MCMDC2: variants seen among roughly 807,000 people sequenced by gnomAD.
The protein encoded by MCMDC2 is minichromosome maintenance domain-containing protein 2.
A neutral mutation model predicts 75.8 loss-of-function variants in MCMDC2; 54 were observed. The ratio of observed to expected loss-of-function variants is 0.71; its 90% CI spans 0.57 to 0.89. The LOEUF is 0.89. Among genes scored for constraint, MCMDC2 ranks in the 40% least tolerant of loss-of-function variants. The pLI is 0.00. For missense variants in MCMDC2, 656 were observed against 780.4 expected, an observed-to-expected ratio of 0.84 and a Z score of 1.90; for synonymous variants, 249 against 274.6, an observed-to-expected ratio of 0.91 and a Z score of 0.92.
rs1323032200 is a variant in MCMDC2 at position 66,919,068 on chromosome 8, T to G, written c.1945T>G (p.Leu649Val). The G allele has an allele frequency of 6.4e-7, 1 of 1,550,708 alleles. No individual in the cohort carries two copies. Among genetic ancestry groups the G allele is most frequent in the South Asian group, 1.2e-5 (1 of 83,902 alleles). The change falls in exon 15 of 15, where the codon TTA (leucine) becomes GTA (valine). Residue 649 changes from leucine (L) to valine (V), a missense_variant. Physicochemically the swap from Leu to Val is conservative, Grantham distance 32. Transcript: ENST00000422365. ...ATTTGAACTGTATAATGAAGAATAC[T>G]TAGAGCAAAGGGATCTCTATCTGAC... ...FPFELYNEEY[L>V]EQRDLYLTQC...
intron 14 of MCMDC2, among the ~76,000 whole-genome samples, chr8:66,913,287 A>C (rs764347308): frequency 6.6e-6 from 1 of 152,212 alleles, no homozygotes; most frequent in Non-Finnish European, 1.5e-5. Flanking sequence ...GGGTAAATAT[A>C]ACTTTTATGT....
At chr8:66,886,921 T>C (rs534656819) in intron 9 of MCMDC2, among the ~76,000 whole-genome samples, 8 of 152,192 alleles carry the variant, frequency 5.3e-5, no homozygotes, top group Non-Finnish European at 1.2e-4. Context: ...TTAGCCATAC[T>C]AGTGGGAATG....
At chr8:66,897,053 G>A in intron 12 of MCMDC2, 94 bp downstream of exon 12, 1 of 1,186,010 alleles carries the variant, frequency 8.4e-7, no homozygotes, top group Non-Finnish European at 1.2e-6. Context: ...TCTTTATTTA[G>A]GATTCTTTTA....
chr8:66,881,091 T>A, intron 8 of MCMDC2, 117 bp downstream of exon 8: 1 of 798,440 alleles, frequency 1.3e-6, no homozygotes, highest in African/African-American at 1.8e-5. Context: ...AAGAATACAG[T>A]TGTAAACAGG....
rs1468629894 is a variant in MCMDC2, at chr8:66,919,150, T to G, written c.2027T>G (p.Ile676Ser). The G allele has an allele frequency of 1.3e-6, 2 of 1,545,000 alleles. No individual in the cohort carries two copies. Among genetic ancestry groups the G allele is most frequent in the Non-Finnish European group, 8.7e-7 (1 of 1,145,102 alleles). ...FIATYGPGTTIFSSDE is the reference protein window; with the variant it reads ...FIATYGPGTTSFSSDE ...GCCACATATGGACCTGGGACAACTA[T>G]TTTCTCTAGTGATGAATAAGCAATT... The change falls in exon 15 of 15, where the codon ATT (isoleucine) becomes AGT (serine). Residue 676 changes from isoleucine to serine, a missense_variant. Ile to Ser is a moderately radical substitution (Grantham distance 142). Coordinates refer to ENST00000422365, the MANE Select transcript of MCMDC2 (RefSeq NM_173518.5).
intron 9 of MCMDC2, among the ~76,000 whole-genome samples, chr8:66,890,533 GT>G (rs1812056592): frequency 6.6e-6 from 1 of 151,850 alleles, no homozygotes; most frequent in Non-Finnish European, 1.5e-5. Flanking sequence ...ACATTTTTTT[GT>G]TTTGTTTTTT....
At chr8:66,895,223 T>C (rs1196921199) in intron 10 of MCMDC2, among the ~76,000 whole-genome samples, 3 of 152,206 alleles carry the variant, frequency 2.0e-5, no homozygotes, top group Non-Finnish European at 4.4e-5. Context: ...TATTGTTTTA[T>C]TTATTTATTG....
chr8:66,877,011 T>C (rs1043281782), intron 4 of MCMDC2, among the ~76,000 whole-genome samples: 2 of 152,074 alleles, frequency 1.3e-5, no homozygotes, highest in South Asian at 2.1e-4. Context: ...CTGCCCGCCT[T>C]GGCCTCCCAA....
chr8:66,875,505 C>T (rs1485690411), intron 4 of MCMDC2, among the ~76,000 whole-genome samples: 2 of 152,062 alleles, frequency 1.3e-5, no homozygotes, highest in African/African-American at 4.8e-5. Context: ...TCTTGAACTC[C>T]CGACCTCAGG....
intron 1 of MCMDC2, among the ~76,000 whole-genome samples, chr8:66,871,991 A>G (rs1451023463): frequency 6.6e-6 from 1 of 152,136 alleles, no homozygotes; most frequent in African/African-American, 2.4e-5. Context: ...AAGCGTACAT[A>G]ATCTGGCCTC....
chr8:66,895,034 G>A (rs1168678589), intron 10 of MCMDC2, among the ~76,000 whole-genome samples: 2 of 152,144 alleles, frequency 1.3e-5, no homozygotes, highest in African/African-American at 4.8e-5. Flanking sequence ...TGGTTCCAGG[G>A]CCTCTGCAGA....
At chr8:66,906,435 ATTGTCT>A (rs1218902343) in intron 14 of MCMDC2, among the ~76,000 whole-genome samples, 7 of 152,162 alleles carry the variant, frequency 4.6e-5, no homozygotes, top group African/African-American at 1.2e-4. Context: ...TTGTTCTATA[ATTGTCT>A]TTGTTCTATA....
At position 66,908,409 on chromosome 8, in the gene MCMDC2, T is replaced by A. The variant is rs115589767; in HGVS notation, c.1879+3074T>A. Among the ~76,000 whole-genome samples the A allele has an allele frequency of 6.1e-3, 932 of 152,322 alleles. 13 individuals carry two copies. Among genetic ancestry groups the A allele is most frequent in the African/African-American group, 0.02 (848 of 41,570 alleles). On this transcript the variant is annotated intron_variant, in intron 14 of 14. Transcript: ENST00000422365. ...ATCTTTACATGCTTCTCCTAGTCTA[T>A]GTTTAAGACCACATTTCATTAAGTC... is the stretch of plus-strand genomic sequence containing the variant.
intron 13 of MCMDC2, among the ~76,000 whole-genome samples, chr8:66,903,137 A>G (rs1478239104): frequency 1.3e-5 from 2 of 151,254 alleles, no homozygotes; most frequent in African/African-American, 4.8e-5. Flanking sequence ...AAAAAAAAGC[A>G]AACAGTGTAA....
chr8:66,891,450 A>AT (rs1317699201), intron 10 of MCMDC2, among the ~76,000 whole-genome samples: 2 of 152,144 alleles, frequency 1.3e-5, no homozygotes, highest in Non-Finnish European at 2.9e-5. Flanking sequence ...TTAGCTGTAC[A>AT]TTTTTTGTAG....
At chr8:66,876,954 GT>G (rs982437375) in intron 4 of MCMDC2, among the ~76,000 whole-genome samples, 45 of 152,010 alleles carry the variant, frequency 3.0e-4, no homozygotes, top group Non-Finnish European at 5.7e-4. Flanking sequence ...TAGAGAAGGG[GT>G]TTCACCATGT....
At chr8:66,896,994 G>A (rs1349624640) in intron 12 of MCMDC2, 35 bp downstream of exon 12, 1 of 1,542,868 alleles carries the variant, frequency 6.5e-7, no homozygotes, top group Admixed American at 2.2e-5. Flanking sequence ...CAGAATGCCT[G>A]TGCTAATGTT....
intron 12 of MCMDC2, 71 bp downstream of exon 12, chr8:66,897,030 G>T: frequency 7.3e-7 from 1 of 1,362,896 alleles, no homozygotes; most frequent in South Asian, 1.4e-5. Context: ...AAGTCCTTTT[G>T]AGTGCTGGAT....
In MCMDC2 at chr8:66,878,853, C is replaced by A. The variant is rs150728017; in HGVS notation, c.643C>A (p.Arg215Ser). 5.6e-6 allele frequency: 9 copies of A among 1,609,564 alleles called. No individual in the cohort carries two copies. Among genetic ancestry groups the A allele is most frequent in the Non-Finnish European group, 6.8e-6 (8 of 1,178,574 alleles). Reference sequence around the variant, plus strand: ...TGAAATAATTGCCACAAAGGCACTTCGTGCTTTTCAAGGATATTCTAACAA... The same window carrying A: ...TGAAATAATTGCCACAAAGGCACTTAGTGCTTTTCAAGGATATTCTAACAA... ...IVEIIATKAL[R>S]AFQGYSNNQP... The change falls in exon 7 of 15, where the codon CGT becomes AGT. Residue 215 changes from arginine (R) to serine (S), a missense_variant. Transcript: ENST00000422365.
Sources: gnomAD v4.1 joint callset for allele counts (sites outside exome capture counted in the v4.1 genomes callset) on GRCh38, gnomAD v4.1.1 for gene constraint, MANE v1.5 for transcripts, NCBI Gene and HGNC (gene_info 2026-07-23, HGNC 2026-07-21) for gene names.